The following ZZZ3 variants were observed in gnomAD, a reference collection of about 807,000 sequenced individuals.
ZZZ3 encodes the protein zinc finger ZZ-type containing 3.
ZZZ3 carries 22 observed loss-of-function variants against 95.2 expected under a neutral mutation model. The observed-to-expected ratio is 0.23, with a 90% confidence interval of 0.17 to 0.33. ZZZ3 has a LOEUF of 0.33. ZZZ3 is among the 10% of genes least tolerant of loss of function. The pLI is 1.00. For synonymous variants in ZZZ3, 335 were observed against 358.9 expected (o/e 0.93, Z 0.75); for missense variants, 885 against 1,066.5 (o/e 0.83, Z 2.37).
chr1:77,567,081 G>A (rs920309385), intron 13 of ZZZ3, among the ~76,000 whole-genome samples: 1 of 152,152 alleles, frequency 6.6e-6, no homozygotes, highest in Non-Finnish European at 1.5e-5. Context: ...TACTCTAGAG[G>A]ATCAAAGGTA....
intron 5 of ZZZ3, among the ~76,000 whole-genome samples, chr1:77,630,454 G>A (rs763898584): frequency 7.0e-4 from 107 of 152,116 alleles, no homozygotes; most frequent in Non-Finnish European, 1.3e-3. Flanking sequence ...TCAAGCCTGG[G>A]CAACAAGTGC....
chr1:77,649,941 T>C (rs972041264), intron 1 of ZZZ3, among the ~76,000 whole-genome samples: 2 of 151,504 alleles, frequency 1.3e-5, no homozygotes, highest in Non-Finnish European at 2.9e-5. Context: ...AATATACCAA[T>C]ATACTGTACA....
At chr1:77,575,964 G>T in intron 12 of ZZZ3, 104 bp downstream of exon 12, 1 of 951,720 alleles carries the variant, frequency 1.1e-6, no homozygotes, top group East Asian at 2.7e-5. Flanking sequence ...CATTTGACTT[G>T]TTCATTAAAA....
Position 77,631,772 on chromosome 1 carries a change from A to G in ZZZ3, c.1505+78T>C. 2 of 1,212,162 alleles carry G rather than the reference A, an allele frequency of 1.6e-6. 1 individual carries two copies. Among genetic ancestry groups the G allele is most frequent in the South Asian group, 3.6e-5 (2 of 55,714 alleles). The allele number at this position is 1,212,162 out of a possible 1,614,324, so 75.1% of individuals were successfully genotyped here. On this transcript the variant is annotated intron_variant, in intron 5 of 14. Transcript: ENST00000370801. Reference sequence around the variant, plus strand: ...AAAACATTAATTTTGGCTGTAATAAAAACACTACGAATAGATACTGAAAAA... The same window carrying G: ...AAAACATTAATTTTGGCTGTAATAAGAACACTACGAATAGATACTGAAAAA...
At chr1:77,565,916 G>A (rs1473142052) in intron 14 of ZZZ3, 132 bp from the exon 15 acceptor site, 1 of 1,158,342 alleles carries the variant, frequency 8.6e-7, no homozygotes, top group Non-Finnish European at 1.2e-6. Context: ...AAAGTTACTT[G>A]ACATGTGGTA....
At chr1:77,653,684 C>T (rs1053188690) in intron 1 of ZZZ3, among the ~76,000 whole-genome samples, 51 of 151,254 alleles carry the variant, frequency 3.4e-4, no homozygotes, top group Middle Eastern at 6.8e-3. Flanking sequence ...ACCTGGGAGG[C>T]GGAGGTTGCG....
intron 4 of ZZZ3, among the ~76,000 whole-genome samples, chr1:77,636,579 G>A (rs1668317460): frequency 6.6e-6 from 1 of 151,754 alleles, no homozygotes; most frequent in South Asian, 2.1e-4. Flanking sequence ...TCCAGGTGTA[G>A]TGAAGCCTGC....
rs183226217 is a variant in ZZZ3 at position 77,608,744 on chromosome 1, A to T, written c.1505+23106T>A. 5.3e-5 allele frequency among the ~76,000 whole-genome samples: 8 copies of T among 152,334 alleles called. No individual in the cohort carries two copies. In the East Asian group the frequency reaches 1.2e-3, roughly 22 times the overall value. ...CAATAAAAAGTTAAAAAGCAGAGGGACAAGGTTAAAGTGTAGAGTTTTTTT... is the reference window on the plus strand; with the variant it reads ...CAATAAAAAGTTAAAAAGCAGAGGGTCAAGGTTAAAGTGTAGAGTTTTTTT... On this transcript the variant is annotated intron_variant, in intron 5 of 14. Coordinates refer to ENST00000370801, the MANE Select transcript of ZZZ3 (RefSeq NM_015534.6).
At chr1:77,651,199 CAAAG>C (rs1284936758) in intron 1 of ZZZ3, among the ~76,000 whole-genome samples, 1 of 152,018 alleles carries the variant, frequency 6.6e-6, no homozygotes, top group Non-Finnish European at 1.5e-5. Flanking sequence ...GCCTGGGCAA[CAAAG>C]AGAGACCCCA....
At chr1:77,644,128 C>A (rs1372759166) in intron 1 of ZZZ3, among the ~76,000 whole-genome samples, 3 of 151,372 alleles carry the variant, frequency 2.0e-5, no homozygotes, top group Non-Finnish European at 4.4e-5. Context: ...TGCAACGGTG[C>A]GATCTCGACT....
At chr1:77,662,773 A>G (rs1028004626) in intron 1 of ZZZ3, among the ~76,000 whole-genome samples, 2 of 152,144 alleles carry the variant, frequency 1.3e-5, no homozygotes, top group African/African-American at 4.8e-5. Context: ...CCTGGATGAC[A>G]AAGTGAGACC....
intron 1 of ZZZ3, among the ~76,000 whole-genome samples, chr1:77,656,654 A>G (rs1309167465): frequency 1.3e-5 from 2 of 152,184 alleles, no homozygotes; most frequent in African/African-American, 2.4e-5. Context: ...AAATTCTTGA[A>G]TTTGTACTGT....
chr1:77,626,670 C>G (rs922210898), intron 5 of ZZZ3, among the ~76,000 whole-genome samples: 2 of 152,176 alleles, frequency 1.3e-5, no homozygotes, highest in African/African-American at 4.8e-5. Flanking sequence ...TCTCTCTTCC[C>G]ATTAATCTTT....
intron 5 of ZZZ3, among the ~76,000 whole-genome samples, chr1:77,609,585 C>T (rs1014596116): frequency 3.9e-5 from 6 of 152,132 alleles, no homozygotes; most frequent in Non-Finnish European, 8.8e-5. Flanking sequence ...CTGCAGAATA[C>T]ACATCCTTTT....
At chr1:77,656,658 G>C (rs535251070) in intron 1 of ZZZ3, among the ~76,000 whole-genome samples, 1 of 152,252 alleles carries the variant, frequency 6.6e-6, no homozygotes, top group South Asian at 2.1e-4. Flanking sequence ...TCTTGAATTT[G>C]TACTGTCTTC....
intron 1 of ZZZ3, among the ~76,000 whole-genome samples, chr1:77,675,868 CTT>C (rs1169176272): frequency 6.6e-6 from 1 of 152,108 alleles, no homozygotes; most frequent in Non-Finnish European, 1.5e-5. Flanking sequence ...TAAAAATGCT[CTT>C]TGACATAGAT....
chr1:77,625,440 AAACT>A (rs1388894342), intron 5 of ZZZ3, among the ~76,000 whole-genome samples: 3 of 152,202 alleles, frequency 2.0e-5, no homozygotes, highest in African/African-American at 7.2e-5. Flanking sequence ...ATTTCAGAGA[AAACT>A]AAAAGCAGTC....
At chr1:77,669,459 T>G (rs1328421006) in intron 1 of ZZZ3, among the ~76,000 whole-genome samples, 2 of 148,842 alleles carry the variant, frequency 1.3e-5, no homozygotes, top group Admixed American at 6.7e-5. Flanking sequence ...TCTCAGTTTT[T>G]TTTTTTTTTT....
rs527973587 is a variant in ZZZ3 at position 77,568,204 on chromosome 1, G to A, written c.2466+128C>T. 862 of 676,768 alleles carry A rather than the reference G, an allele frequency of 1.3e-3. 1 individual carries two copies. Among genetic ancestry groups the A allele is most frequent in the Non-Finnish European group, 1.8e-3 (758 of 429,728 alleles). 41.9% of individuals were successfully genotyped at this position (676,768 alleles called of 1,614,324 possible). A position where few individuals can be genotyped will look rare whatever the true frequency, so the allele number is the denominator to read the frequency against. On this transcript the variant is annotated intron_variant, in intron 13 of 14. Coordinates refer to ENST00000370801, the MANE Select transcript of ZZZ3 (RefSeq NM_015534.6). Reference sequence around the variant, plus strand: ...TGAGACACGAGAATCGCTTGAACCCGGGAGGCAGAGGTTGCAGTAAGCTGA... The same window carrying A: ...TGAGACACGAGAATCGCTTGAACCCAGGAGGCAGAGGTTGCAGTAAGCTGA...
Sources: gnomAD v4.1 joint callset for allele counts (sites outside exome capture counted in the v4.1 genomes callset) on GRCh38, gnomAD v4.1.1 for gene constraint, MANE v1.5 for transcripts, NCBI Gene and HGNC (gene_info 2026-07-23, HGNC 2026-07-21) for gene names.